Variants in UGT8 observed in about 807,000 individuals in gnomAD.
UGT8 encodes UDP glycosyltransferase 8.
Under a neutral mutation model 40.5 loss-of-function variants are expected in UGT8, and 12 were observed. The ratio of observed to expected loss-of-function variants is 0.30; its 90% CI spans 0.19 to 0.48. UGT8 has a LOEUF of 0.48. UGT8 is among the 20% of genes least tolerant of loss of function. The pLI is 0.99. For synonymous variants in UGT8, 224 were observed against 240.4 expected, an observed-to-expected ratio of 0.93 and a Z score of 0.63; for missense variants, 513 against 648.7, an observed-to-expected ratio of 0.79 and a Z score of 2.27.
intron 1 of UGT8, among the ~76,000 whole-genome samples, chr4:114,614,305 C>CA (rs1305385871): frequency 6.6e-6 from 1 of 152,120 alleles, no homozygotes; most frequent in African/African-American, 2.4e-5. Flanking sequence ...GTTCCAGGTG[C>CA]AAAACTGAAT....
chr4:114,605,032 C>T (rs927425626), intron 1 of UGT8, among the ~76,000 whole-genome samples: 1 of 152,040 alleles, frequency 6.6e-6, no homozygotes, highest in African/African-American at 2.4e-5. Context: ...GTTGTATATT[C>T]ACCAAGTCAG....
intron 2 of UGT8, among the ~76,000 whole-genome samples, chr4:114,638,588 G>T (rs1454628042): frequency 6.6e-6 from 1 of 152,206 alleles, no homozygotes; most frequent in Non-Finnish European, 1.5e-5. Flanking sequence ...GTCACCACGT[G>T]TGAGACACTG....
chr4:114,653,207 C>T (rs1578450175), intron 2 of UGT8, among the ~76,000 whole-genome samples: 1 of 152,126 alleles, frequency 6.6e-6, no homozygotes, highest in East Asian at 1.9e-4. Context: ...AAAGACTTCT[C>T]TTCCCTTGAA....
chr4:114,612,858 C>T (rs1300824676), intron 1 of UGT8, among the ~76,000 whole-genome samples: 3 of 152,118 alleles, frequency 2.0e-5, no homozygotes, highest in Non-Finnish European at 2.9e-5. Context: ...ATTAATGATC[C>T]TCTATAACTT....
chr4:114,626,137 T>G (rs1315399157), intron 2 of UGT8, among the ~76,000 whole-genome samples: 1 of 152,330 alleles, frequency 6.6e-6, no homozygotes, highest in East Asian at 1.9e-4. Context: ...TTTTGAAGAA[T>G]GATGTGCAGT....
chr4:114,649,469 A>T (rs1462963335), intron 2 of UGT8, among the ~76,000 whole-genome samples: 1 of 152,320 alleles, frequency 6.6e-6, no homozygotes. Context: ...ACATAAAGGA[A>T]GTTCTGAGAT....
intron 2 of UGT8, among the ~76,000 whole-genome samples, chr4:114,632,871 G>A (rs1732658070): frequency 6.6e-6 from 1 of 152,020 alleles, no homozygotes; most frequent in Non-Finnish European, 1.5e-5. Flanking sequence ...AATTTATTTT[G>A]CAAAAATGGA....
At chr4:114,648,328 A>G (rs1053321787) in intron 2 of UGT8, among the ~76,000 whole-genome samples, 6 of 149,940 alleles carry the variant, frequency 4.0e-5, no homozygotes, top group Non-Finnish European at 7.4e-5. Context: ...ATGTATGTTC[A>G]GTAGTATCAT....
intron 2 of UGT8, among the ~76,000 whole-genome samples, chr4:114,638,576 A>G (rs985205007): frequency 1.3e-5 from 2 of 152,176 alleles, no homozygotes; most frequent in Admixed American, 1.3e-4. Flanking sequence ...ATTTTATTGA[A>G]GGTCACCACG....
intron 3 of UGT8, among the ~76,000 whole-genome samples, chr4:114,664,791 G>A (rs567696269): frequency 4.6e-5 from 7 of 152,230 alleles, no homozygotes; most frequent in East Asian, 1.9e-4. Context: ...TATTGAGCAC[G>A]TACTACCACT....
At chr4:114,604,258 A>G (rs1471870543) in intron 1 of UGT8, among the ~76,000 whole-genome samples, 1 of 152,206 alleles carries the variant, frequency 6.6e-6, no homozygotes, top group Admixed American at 6.5e-5. Context: ...CTATAAGGAC[A>G]TTGATTATAC....
In UGT8 at chr4:114,676,179, T is replaced by C. The variant is rs1735632743; in HGVS notation, c.1517T>C (p.Leu506Pro). 1.2e-6 allele frequency: 2 copies of C among 1,614,064 alleles called. No homozygotes were observed. The highest frequency in any genetic ancestry group is 1.7e-6 in the Non-Finnish European group (2 of 1,180,034). ...TKFIYRKIKS[L>P]WSRNKHSTVN... ...TTTATCTACAGAAAAATCAAAAGTC[T>C]GTGGTCTAGAAATAAGCATAGCACA... Residue 506 changes from leucine (L) to proline (P), a missense_variant, in exon 6 of 6, where the codon CTG becomes CCG. Around this residue, in one of 3 missense-constraint regions of UGT8, gnomAD observed 175 missense variants for 186.7 expected, o/e 0.94. Coordinates refer to ENST00000310836, the MANE Select transcript of UGT8 (RefSeq NM_001128174.3).
At chr4:114,603,782 A>C (rs566869678) in intron 1 of UGT8, among the ~76,000 whole-genome samples, 1 of 152,292 alleles carries the variant, frequency 6.6e-6, no homozygotes, top group East Asian at 1.9e-4. Flanking sequence ...AAATCTATCA[A>C]GCACAATGCC....
chr4:114,616,880 C>T (rs1336325206), intron 1 of UGT8, among the ~76,000 whole-genome samples: 1 of 152,146 alleles, frequency 6.6e-6, no homozygotes, highest in African/African-American at 2.4e-5. Context: ...CAAATTTCAG[C>T]ATATATGAAC....
chr4:114,622,786 C>A, intron 1 of UGT8, 93 bp from the exon 2 acceptor site: 8 of 1,138,520 alleles, frequency 7.0e-6, no homozygotes, highest in Non-Finnish European at 8.6e-6. Flanking sequence ...AGTATTAGAT[C>A]AGATATTTTT....
intron 2 of UGT8, chr4:114,656,872 T>TA (rs763019536): frequency 3.9e-5 from 19 of 486,028 alleles, no homozygotes; most frequent in Non-Finnish European, 6.8e-5. Context: ...ACGGCCTCAT[T>TA]AAAAAATATA....
At chr4:114,604,007 G>A (rs1730590225) in intron 1 of UGT8, among the ~76,000 whole-genome samples, 1 of 152,170 alleles carries the variant, frequency 6.6e-6, no homozygotes, top group South Asian at 2.1e-4. Flanking sequence ...GCCATTGAAA[G>A]TTTTGAAGGG....
intron 1 of UGT8, among the ~76,000 whole-genome samples, chr4:114,620,906 A>G (rs1731744303): frequency 1.3e-5 from 2 of 152,160 alleles, no homozygotes; most frequent in Admixed American, 6.5e-5. Flanking sequence ...GTAAAAATAG[A>G]TATCAATTTG....
At chr4:114,665,606 TA>T (rs1163199141) in intron 3 of UGT8, 73 bp from the exon 4 acceptor site, 25 of 1,329,836 alleles carry the variant, frequency 1.9e-5, no homozygotes, top group Non-Finnish European at 2.5e-5. Context: ...TTAAATCTCA[TA>T]ATTTAATCAG....
Sources: gnomAD v4.1 joint callset for allele counts (sites outside exome capture counted in the v4.1 genomes callset) on GRCh38, gnomAD v4.1.1 for gene constraint, gnomAD v4.1.1 regional missense constraint, MANE v1.5 for transcripts, NCBI Gene and HGNC (gene_info 2026-07-23, HGNC 2026-07-21) for gene names.